The following ELOVL6 variants were observed in gnomAD, a reference collection of about 807,000 sequenced individuals.
The protein encoded by ELOVL6 is very long chain fatty acid elongase 6.
Under a neutral mutation model 31.7 loss-of-function variants are expected in ELOVL6, and 8 were observed. That is an observed-to-expected ratio of 0.25 (90% confidence interval 0.15 to 0.45). The LOEUF is 0.45. ELOVL6 is among the 20% of genes least tolerant of loss of function. The probability of loss-of-function intolerance (pLI) is 1.00; values close to 1 mark genes in which losing one functional copy is unlikely to be tolerated. For missense variants in ELOVL6, 126 were observed against 326.4 expected (o/e 0.39, Z 4.73); for synonymous variants, 101 against 117.7 (o/e 0.86, Z 0.92).
chr4:110,188,157 G>A (rs1759503038), intron 1 of ELOVL6, among the ~76,000 whole-genome samples: 2 of 152,268 alleles, frequency 1.3e-5, no homozygotes, highest in Middle Eastern at 3.4e-3. Flanking sequence ...CAGATCAGAT[G>A]GAAACACAAA....
intron 1 of ELOVL6, among the ~76,000 whole-genome samples, chr4:110,144,901 G>C (rs1431453897): frequency 6.6e-6 from 1 of 152,010 alleles, no homozygotes; most frequent in Non-Finnish European, 1.5e-5. Context: ...ATCCACTGTT[G>C]AAACCTTTCT....
intron 2 of ELOVL6, among the ~76,000 whole-genome samples, chr4:110,095,131 T>A (rs2126241542): frequency 1.3e-5 from 2 of 152,202 alleles, no homozygotes; most frequent in South Asian, 4.2e-4. Context: ...TAACTAAGAT[T>A]TACAGAAAAA....
At chr4:110,169,301 C>T (rs563634148) in intron 1 of ELOVL6, among the ~76,000 whole-genome samples, 3 of 145,718 alleles carry the variant, frequency 2.1e-5, no homozygotes, top group East Asian at 2.1e-4. Context: ...TGCAGTGGTG[C>T]GATCTCGGCT....
chr4:110,105,361 A>T, intron 2 of ELOVL6, 136 bp downstream of exon 2: 1 of 935,098 alleles, frequency 1.1e-6, no homozygotes, highest in Non-Finnish European at 1.6e-6. Flanking sequence ...TTTCTTTCTG[A>T]ACATGACTTT....
intron 1 of ELOVL6, among the ~76,000 whole-genome samples, chr4:110,160,440 A>C (rs570835547): frequency 6.6e-6 from 1 of 152,230 alleles, no homozygotes; most frequent in African/African-American, 2.4e-5. Flanking sequence ...ATGTATATAC[A>C]AACTATAATA....
chr4:110,176,083 A>G (rs904060195), intron 1 of ELOVL6, among the ~76,000 whole-genome samples: 1 of 151,336 alleles, frequency 6.6e-6, no homozygotes, highest in Non-Finnish European at 1.5e-5. Flanking sequence ...CTCTATCTTC[A>G]GAGATTAAAG....
chr4:110,186,576 C>T (rs115126215), intron 1 of ELOVL6, among the ~76,000 whole-genome samples: 4,402 of 151,358 alleles, frequency 0.029, 179 homozygotes, highest in Admixed American at 0.1. Context: ...CTTCAGGAGG[C>T]GGAGGTCACT....
intron 1 of ELOVL6, among the ~76,000 whole-genome samples, chr4:110,116,730 T>C (rs942245953): frequency 1.3e-5 from 2 of 152,216 alleles, no homozygotes; most frequent in East Asian, 3.8e-4. Flanking sequence ...TAAGTATGTT[T>C]TCCTGTTTGT....
intron 1 of ELOVL6, among the ~76,000 whole-genome samples, chr4:110,184,650 T>C (rs1759388104): frequency 6.6e-6 from 1 of 151,980 alleles, no homozygotes; most frequent in South Asian, 2.1e-4. Context: ...CTAAAGGAAG[T>C]CAGTGGCAAG....
At chr4:110,090,600 CTTTTTTTTT>C (rs544234717) in intron 2 of ELOVL6, among the ~76,000 whole-genome samples, 12 of 103,714 alleles carry the variant, frequency 1.2e-4, no homozygotes, top group Non-Finnish European at 2.2e-4. Flanking sequence ...GTTTGACTTT[CTTTTTTTTT>C]TTTTTTTTTT....
chr4:110,173,158 C>G (rs942876979), intron 1 of ELOVL6, among the ~76,000 whole-genome samples: 6 of 152,198 alleles, frequency 3.9e-5, no homozygotes, highest in Non-Finnish European at 8.8e-5. Flanking sequence ...ACCTGCTTCT[C>G]CGCCCAGACA....
intron 1 of ELOVL6, among the ~76,000 whole-genome samples, chr4:110,174,827 A>G (rs1385074928): frequency 1.3e-5 from 2 of 152,154 alleles, no homozygotes; most frequent in Non-Finnish European, 2.9e-5. Context: ...AGATGCACCT[A>G]AAACCATCCC....
chr4:110,092,248 A>G (rs1217689866), intron 2 of ELOVL6, among the ~76,000 whole-genome samples: 1 of 152,200 alleles, frequency 6.6e-6, no homozygotes, highest in Non-Finnish European at 1.5e-5. Flanking sequence ...AGTATCATCA[A>G]AAACAGATGA....
rs755746 is a variant in ELOVL6 at position 110,198,070 on chromosome 4, A to T, written c.89+177T>A. 9.0e-3 allele frequency: 4,624 copies of T among 512,452 alleles called. 94 individuals carry two copies. Among genetic ancestry groups the T allele is most frequent in the Admixed American group, 0.038 (1,118 of 29,556 alleles). 31.7% of individuals were successfully genotyped at this position (512,452 alleles called of 1,614,324 possible). A position where few individuals can be genotyped will look rare whatever the true frequency, so the allele number is the denominator to read the frequency against. On this transcript the variant is annotated intron_variant, in intron 1 of 3. Coordinates refer to ENST00000302274, the MANE Select transcript of ELOVL6 (RefSeq NM_024090.3). ...GGGGCACCCACAGACCTCGCGCTTCATGTACCCCCCCCCCCCCAGCGTCTC... is the reference window on the plus strand; with the variant it reads ...GGGGCACCCACAGACCTCGCGCTTCTTGTACCCCCCCCCCCCCAGCGTCTC...
chr4:110,098,024 G>C (rs75703003), intron 2 of ELOVL6, among the ~76,000 whole-genome samples: 8,398 of 151,024 alleles, frequency 0.056, 318 homozygotes, highest in Non-Finnish European at 0.079. Flanking sequence ...AACAAAAACA[G>C]GTTTTGATAA....
At chr4:110,119,613 G>A (rs773622833) in intron 1 of ELOVL6, among the ~76,000 whole-genome samples, 7 of 152,110 alleles carry the variant, frequency 4.6e-5, no homozygotes, top group Non-Finnish European at 7.4e-5. Flanking sequence ...TCTCTATATA[G>A]CTTAGAAGAC....
At chr4:110,090,802 G>A (rs550694754) in intron 2 of ELOVL6, among the ~76,000 whole-genome samples, 11 of 151,728 alleles carry the variant, frequency 7.2e-5, no homozygotes, top group South Asian at 2.1e-4. Flanking sequence ...ATGGGGTTTC[G>A]CCATGTTGGC....
chr4:110,102,552 G>A (rs1756777938), intron 2 of ELOVL6, among the ~76,000 whole-genome samples: 1 of 152,030 alleles, frequency 6.6e-6, no homozygotes, highest in Non-Finnish European at 1.5e-5. Flanking sequence ...CCAGCTACAT[G>A]GGAGGCTAAG....
At chr4:110,098,821 A>C (rs575982705) in intron 2 of ELOVL6, among the ~76,000 whole-genome samples, 45 of 152,236 alleles carry the variant, frequency 3.0e-4, no homozygotes, top group Middle Eastern at 6.8e-3. Context: ...TTTTTCATAA[A>C]GTAGGAGCTT....
Sources: gnomAD v4.1 joint callset for allele counts (sites outside exome capture counted in the v4.1 genomes callset) on GRCh38, gnomAD v4.1.1 for gene constraint, MANE v1.5 for transcripts, NCBI Gene and HGNC (gene_info 2026-07-23, HGNC 2026-07-21) for gene names.